Variants in NECAB2 observed in about 807,000 individuals in gnomAD.
NECAB2 encodes the protein N-terminal EF-hand calcium-binding protein 2.
NECAB2 carries 68 observed loss-of-function variants against 51.9 expected under a neutral mutation model. The ratio of observed to expected loss-of-function variants is 1.31; its 90% CI spans 1.08 to 1.60. NECAB2 has a LOEUF of 1.60. NECAB2 is among the 40% of genes most tolerant of loss of function. NECAB2 has a pLI of 0.00. For missense variants in NECAB2, 854 were observed against 490.3 expected (o/e 1.74, Z -7.00); for synonymous variants, 329 against 203.5 (o/e 1.62, Z -5.25).
upstream of NECAB2, among the ~76,000 whole-genome samples, chr16:83,967,363 GTGGA>G (rs1391901139): frequency 2.7e-5 from 4 of 147,920 alleles, no homozygotes; most frequent in Non-Finnish European, 4.5e-5. Flanking sequence ...AAATGGATGG[GTGGA>G]TGGATGGATG....
At chr16:83,975,620 C>T (rs1270612330) in intron 2 of NECAB2, among the ~76,000 whole-genome samples, 1 of 152,092 alleles carries the variant, frequency 6.6e-6, no homozygotes, top group Non-Finnish European at 1.5e-5. Flanking sequence ...AGCTGGATAC[C>T]GGATGCCCAG....
chr16:83,972,247 G>T (rs560929408), intron 2 of NECAB2, 72 bp downstream of exon 2: 5 of 1,607,384 alleles, frequency 3.1e-6, no homozygotes, highest in Admixed American at 1.7e-5. Flanking sequence ...AGGGATCAGG[G>T]ATAGGAGACA....
chr16:83,978,378 A>C (rs887408746), intron 2 of NECAB2, 66 bp from the exon 3 acceptor site: 1 of 1,322,412 alleles, frequency 7.6e-7, no homozygotes, highest in Non-Finnish European at 1.1e-6. Flanking sequence ...GGGGCCGTGC[A>C]TGCACTAGCC....
intron 8 of NECAB2, among the ~76,000 whole-genome samples, chr16:83,996,986 G>C (rs145048574): frequency 6.6e-6 from 1 of 150,618 alleles, no homozygotes; most frequent in Non-Finnish European, 1.5e-5. Context: ...TCAGGCCTCT[G>C]GAGTCCCCCT....
intron 5 of NECAB2, among the ~76,000 whole-genome samples, chr16:83,984,862 C>G (rs1234998673): frequency 1.3e-5 from 2 of 152,176 alleles, no homozygotes; most frequent in East Asian, 1.9e-4. Context: ...GCTCCTGGCA[C>G]ATTTATTTAA....
intron 2 of NECAB2, among the ~76,000 whole-genome samples, chr16:83,976,757 T>C (rs543386429): frequency 1.4e-4 from 21 of 152,322 alleles, no homozygotes; most frequent in African/African-American, 4.8e-4. Context: ...TCATATTCTT[T>C]ACCGGTCTCT....
rs2084674202 is a variant in NECAB2 at position 83,994,802 on chromosome 16, A to G, written c.795+114A>G. 1.0e-5 allele frequency: 12 copies of G among 1,205,392 alleles called. 1 individual carries two copies. The South Asian group carries it at 1.3e-4, about 13-fold the overall frequency. The allele number at this position is 1,205,392 out of a possible 1,614,324, so 74.7% of individuals were successfully genotyped here. ...CTGCAGAGGGGCCAGGGAACCATGAAAAAGACATCCCCCAGGTGGGGCGTG... is the reference window on the plus strand; with the variant it reads ...CTGCAGAGGGGCCAGGGAACCATGAGAAAGACATCCCCCAGGTGGGGCGTG... On this transcript the variant is annotated intron_variant, in intron 8 of 12. Coordinates refer to ENST00000305202, the MANE Select transcript of NECAB2 (RefSeq NM_019065.3).
intron 3 of NECAB2, among the ~76,000 whole-genome samples, chr16:83,979,519 T>A (rs554925722): frequency 7.2e-4 from 109 of 152,172 alleles, no homozygotes; most frequent in African/African-American, 2.5e-3. Context: ...TTTAAAGAAA[T>A]GGCTTCAGGC....
At chr16:83,985,408 A>G (rs58582797) in intron 5 of NECAB2, among the ~76,000 whole-genome samples, 45,738 of 148,996 alleles carry the variant, frequency 0.31, 13,290 homozygotes, top group African/African-American at 0.77. Flanking sequence ...GCCGAGGCAG[A>G]TAGATCACAA....
chr16:84,001,714 C>A (rs569849284), intron 11 of NECAB2, 111 bp from the exon 12 acceptor site: 3 of 1,140,960 alleles, frequency 2.6e-6, no homozygotes, highest in East Asian at 5.1e-5. Context: ...AAAGACCCCC[C>A]GTGCTTATTG....
rs1056929331 is a variant in NECAB2, at chr16:83,968,783, G to GGCCCCCGCC, written c.144_152dup (p.Ala49_Ala51dup). 1.8e-6 allele frequency: 2 copies of GGCCCCCGCC among 1,112,122 alleles called. No individual in the cohort carries two copies. Among genetic ancestry groups the GGCCCCCGCC allele is most frequent in the Non-Finnish European group, 1.1e-6 (1 of 912,650 alleles). The allele number at this position is 1,112,122 out of a possible 1,614,324, so 68.9% of individuals were successfully genotyped here. On this transcript the variant is annotated inframe_insertion, in exon 1 of 13. Coordinates refer to ENST00000305202, the MANE Select transcript of NECAB2 (RefSeq NM_019065.3). The stretch of plus-strand genomic sequence containing the variant: ...GGATGGGCGAGCCCCGGGAGTCGCT[G>GGCCCCCGCC]GCCCCCGCCGCCCCCGCGGACCCCG...
In NECAB2 at chr16:83,973,169, C is replaced by CA. The variant is rs559775371; in HGVS notation, c.226+995dup. On this transcript the variant is annotated intron_variant, in intron 2 of 12. Coordinates refer to ENST00000305202, the MANE Select transcript of NECAB2 (RefSeq NM_019065.3). ...CCTGTGGCAGGGGAAGAGCACGCAA[C>CA]AGAGACCCTGTGACCTGCCCCAGGG... Among the ~76,000 whole-genome samples the CA allele has an allele frequency of 5.3e-5, 8 of 152,380 alleles. No homozygotes were observed. In the East Asian group the frequency reaches 1.3e-3, roughly 26 times the overall value.
intron 2 of NECAB2, among the ~76,000 whole-genome samples, chr16:83,974,378 G>C (rs966349515): frequency 2.6e-5 from 4 of 152,106 alleles, no homozygotes; most frequent in East Asian, 3.9e-4. Context: ...TTGCTCTCCT[G>C]GCTTCGCTCA....
At chr16:83,971,184 G>A (rs1313583509) in intron 1 of NECAB2, among the ~76,000 whole-genome samples, 2 of 152,156 alleles carry the variant, frequency 1.3e-5, no homozygotes, top group East Asian at 1.9e-4. Context: ...GAGTAGGTGG[G>A]ACATCCTGCA....
At chr16:84,000,668 C>G in intron 10 of NECAB2, 56 bp from the exon 11 acceptor site, 3 of 1,526,332 alleles carry the variant, frequency 2.0e-6, no homozygotes, top group African/African-American at 2.7e-5. Context: ...GGGAACAGCA[C>G]TGAGGTGGCC....
intron 8 of NECAB2, among the ~76,000 whole-genome samples, chr16:83,996,432 A>G (rs1257163874): frequency 6.6e-6 from 1 of 152,152 alleles, no homozygotes; most frequent in East Asian, 1.9e-4. Context: ...ACACAGACTC[A>G]TCCACCTGCT....
rs2084314538 is a variant in NECAB2 at position 83,968,636 on chromosome 16, C to A, written c.-13C>A. ...TCGGCGGGCTTCCGGGCGGCGGCGG[C>A]GGGCGCGGCGCGATGTGCGAGCGGG... On this transcript the variant is annotated 5_prime_UTR_variant, in exon 1 of 13. Coordinates refer to ENST00000305202, the MANE Select transcript of NECAB2 (RefSeq NM_019065.3). 3 of 979,340 alleles carry A rather than the reference C, an allele frequency of 3.1e-6. No homozygotes were observed. The highest frequency in any genetic ancestry group is 4.5e-5 in the South Asian group (1 of 22,032). 60.7% of individuals were successfully genotyped at this position (979,340 alleles called of 1,614,324 possible). A position where few individuals can be genotyped will look rare whatever the true frequency, so the allele number is the denominator to read the frequency against.
chr16:83,995,611 C>G (rs559174045), intron 8 of NECAB2, among the ~76,000 whole-genome samples: 25 of 152,296 alleles, frequency 1.6e-4, no homozygotes, highest in African/African-American at 5.8e-4. Flanking sequence ...TCTCAGAACC[C>G]TGGGATTGAG....
At chr16:83,976,517 TCTG>T (rs2084412973) in intron 2 of NECAB2, among the ~76,000 whole-genome samples, 1 of 152,236 alleles carries the variant, frequency 6.6e-6, no homozygotes, top group African/African-American at 2.4e-5. Flanking sequence ...GAAGGCATCC[TCTG>T]TCACAGAACA....
Sources: gnomAD v4.1 joint callset for allele counts (sites outside exome capture counted in the v4.1 genomes callset) on GRCh38, gnomAD v4.1.1 for gene constraint, MANE v1.5 for transcripts, NCBI Gene and HGNC (gene_info 2026-07-23, HGNC 2026-07-21) for gene names.